The following MTFR1 variants were observed in gnomAD, a reference collection of about 807,000 sequenced individuals.
MTFR1 encodes the protein chondrocyte protein with a poly-proline region.
In MTFR1, 28 loss-of-function variants were observed where a neutral mutation model predicts 38.8. That is an observed-to-expected ratio of 0.72 (90% CI 0.53 to 0.99). The LOEUF (loss-of-function observed/expected upper bound fraction) is 0.99. Among genes scored for constraint, MTFR1 ranks in the 50% least tolerant of loss-of-function variants. MTFR1 has a pLI of 0.00. For synonymous variants in MTFR1, 145 were observed against 137.0 expected (o/e 1.06, Z -0.41); for missense variants, 358 against 395.5 (o/e 0.91, Z 0.81).
In MTFR1 at chr8:65,669,418, A is replaced by G. The variant is rs73690898; in HGVS notation, c.-80-455A>G. On this transcript the variant is annotated intron_variant, in intron 1 of 7. Coordinates refer to ENST00000262146, the MANE Select transcript of MTFR1 (RefSeq NM_014637.4). ...TGTATTTTTTACTTAAATTAGCCAT[A>G]CTAGGTTTTTGTTGCTTCCAGCTAA... 7.7e-3 allele frequency among the ~76,000 whole-genome samples: 1,169 copies of G among 152,330 alleles called. 6 individuals carry two copies. The highest frequency in any genetic ancestry group is 0.025 in the African/African-American group (1,059 of 41,572).
chr8:65,709,400 T>C lies in MTFR1; in HGVS notation c.*356T>C. On this transcript the variant is annotated 3_prime_UTR_variant, in exon 8 of 8. Transcript: ENST00000262146. ...TAACACTAATTTATCTGTATAAGTG[T>C]TTTATATGCATATTTTTGGACATAA... 1 of 177,676 alleles carries C rather than the reference T, an allele frequency of 5.6e-6. No individual in the cohort carries two copies. Among genetic ancestry groups the C allele is most frequent in the Non-Finnish European group, 1.2e-5 (1 of 84,076 alleles). 11.0% of individuals were successfully genotyped at this position (177,676 alleles called of 1,614,324 possible). A position where few individuals can be genotyped will look rare whatever the true frequency, so the allele number is the denominator to read the frequency against.
intron 6 of MTFR1, among the ~76,000 whole-genome samples, chr8:65,707,477 T>C (rs1029808606): frequency 2.6e-5 from 4 of 152,226 alleles, no homozygotes; most frequent in Non-Finnish European, 5.9e-5. Context: ...TTTATTTAAA[T>C]ATCAGCCTTT....
At chr8:65,715,923 G>A (rs1467391976) in intron 2 of MTFR1, among the ~76,000 whole-genome samples, 4 of 148,400 alleles carry the variant, frequency 2.7e-5, no homozygotes, top group Non-Finnish European at 4.5e-5. Flanking sequence ...CGTGAACCCG[G>A]GAGGCGGAAC....
At position 65,709,363 on chromosome 8, in the gene MTFR1, A is replaced by G. The variant is rs773898115; in HGVS notation, c.*319A>G. ...AGGACATTTGTGGATGTTACTGCAC[A>G]TTTTAAATTCTTAACACTAATTTAT... is the stretch of plus-strand genomic sequence containing the variant. On this transcript the variant is annotated 3_prime_UTR_variant, in exon 8 of 8. Coordinates refer to ENST00000262146, the MANE Select transcript of MTFR1 (RefSeq NM_014637.4). The G allele has an allele frequency of 4.2e-6, 1 of 239,420 alleles. No individual in the cohort carries two copies. Among genetic ancestry groups the G allele is most frequent in the Non-Finnish European group, 8.2e-6 (1 of 122,336 alleles). 14.8% of individuals were successfully genotyped at this position (239,420 alleles called of 1,614,324 possible).
rs377697560 is a variant in MTFR1 at position 65,664,108 on chromosome 8, A to G, written c.-80-5765A>G. 1.3e-4 allele frequency among the ~76,000 whole-genome samples: 19 copies of G among 151,360 alleles called. No individual in the cohort carries two copies. In the East Asian group the frequency reaches 1.8e-3, roughly 14 times the overall value. ...CAGGATTACAGGCGTGAGCCATTGC[A>G]CCCGGCCATGTTAGGCAGTTTCTAT... On this transcript the variant is annotated intron_variant, in intron 1 of 7. Coordinates refer to ENST00000262146, the MANE Select transcript of MTFR1 (RefSeq NM_014637.4).
At chr8:65,734,972 T>C in intron 3 of MTFR1, 2 of 893,378 alleles carry the variant, frequency 2.2e-6, no homozygotes, top group Non-Finnish European at 3.7e-6. Flanking sequence ...TAATTATGAG[T>C]TACCCACTCA....
At chr8:65,672,715 G>A (rs1451051700) in intron 2 of MTFR1, among the ~76,000 whole-genome samples, 1 of 152,132 alleles carries the variant, frequency 6.6e-6, no homozygotes, top group African/African-American at 2.4e-5. Context: ...GTTTCACCAT[G>A]TTAGCACTTG....
intron 3 of MTFR1, among the ~76,000 whole-genome samples, chr8:65,751,007 T>C (rs540195559): frequency 1.3e-5 from 2 of 152,334 alleles, no homozygotes; most frequent in South Asian, 4.1e-4. Context: ...GGACCTTCAC[T>C]TAATGATATA....
intron 4 of MTFR1, among the ~76,000 whole-genome samples, chr8:65,700,215 G>T (rs1805570124): frequency 6.6e-6 from 1 of 151,838 alleles, no homozygotes; most frequent in Admixed American, 6.6e-5. Flanking sequence ...GCTGGGTGTG[G>T]TGGTACACAC....
At chr8:65,754,243 GC>G (rs551234597) in intron 3 of MTFR1, among the ~76,000 whole-genome samples, 5 of 151,804 alleles carry the variant, frequency 3.3e-5, no homozygotes, top group African/African-American at 9.7e-5. Context: ...ATTAGATGGT[GC>G]CCCCCCGCCC....
At chr8:65,729,364 CTTTTTTT>C (rs10540107) in intron 3 of MTFR1, among the ~76,000 whole-genome samples, 6 of 80,078 alleles carry the variant, frequency 7.5e-5, no homozygotes, top group East Asian at 3.8e-4. Context: ...TTGGTGGTAG[CTTTTTTT>C]TTTTTTTTTT....
chr8:65,703,419 G>GTTTTTTTTTTTTTTTTTTTTT (rs553260839), intron 4 of MTFR1, among the ~76,000 whole-genome samples: 1 of 50,940 alleles, frequency 2.0e-5, no homozygotes, highest in Non-Finnish European at 3.4e-5. Context: ...GATGTCTCTG[G>GTTTTTTTTTTTTTTTTTTTTT]TTTTTTTTTT....
intron 3 of MTFR1, among the ~76,000 whole-genome samples, chr8:65,756,741 G>T (rs1435296552): frequency 6.6e-6 from 1 of 152,040 alleles, no homozygotes; most frequent in Non-Finnish European, 1.5e-5. Flanking sequence ...TCCAATGTGT[G>T]GGCTTCCTCC....
intron 1 of MTFR1, among the ~76,000 whole-genome samples, chr8:65,648,467 A>G (rs1473116026): frequency 6.6e-6 from 1 of 152,200 alleles, no homozygotes; most frequent in East Asian, 1.9e-4. Context: ...CTGGGAGAGC[A>G]CTCAGGGCTG....
At chr8:65,673,680 G>A (rs1804630008) in intron 2 of MTFR1, among the ~76,000 whole-genome samples, 1 of 151,906 alleles carries the variant, frequency 6.6e-6, no homozygotes, top group Non-Finnish European at 1.5e-5. Flanking sequence ...GAGGCGGGTG[G>A]ATCACAAGGT....
intron 4 of MTFR1, among the ~76,000 whole-genome samples, chr8:65,695,275 C>T (rs1360924114): frequency 1.3e-5 from 2 of 152,070 alleles, no homozygotes; most frequent in African/African-American, 4.8e-5. Context: ...AAGGAAGAGC[C>T]TACGTAGTCA....
intron 3 of MTFR1, among the ~76,000 whole-genome samples, chr8:65,730,759 C>T (rs913186055): frequency 6.6e-6 from 1 of 151,926 alleles, no homozygotes; most frequent in African/African-American, 2.4e-5. Context: ...AAAACCCCAT[C>T]TCTACTAAAA....
rs1243573918 is a variant in MTFR1, at chr8:65,739,796, TTTG to T, written c.*48+20321_*48+20323del. On this transcript the variant is annotated intron_variant, in intron 3 of 3. Coordinates refer to the MTFR1 transcript ENST00000521247. ...GTTTCATTATAAGAAAAATTTAATT[TTTG>T]TTGTTTTACTTTTCCACAACCAAAG... 2.6e-5 allele frequency among the ~76,000 whole-genome samples: 4 copies of T among 152,360 alleles called. No homozygotes were observed. The East Asian group carries it at 5.8e-4, about 22-fold the overall frequency.
At chr8:65,658,536 G>C (rs911662986) in intron 1 of MTFR1, among the ~76,000 whole-genome samples, 2 of 152,152 alleles carry the variant, frequency 1.3e-5, no homozygotes, top group African/African-American at 4.8e-5. Flanking sequence ...CTATGCTAGA[G>C]TAGAGTAGAT....
Sources: gnomAD v4.1 joint callset for allele counts (sites outside exome capture counted in the v4.1 genomes callset) on GRCh38, gnomAD v4.1.1 for gene constraint, MANE v1.5 for transcripts, NCBI Gene and HGNC (gene_info 2026-07-23, HGNC 2026-07-21) for gene names.